HTR2C: variants seen among roughly 807,000 people sequenced by gnomAD.
The protein encoded by HTR2C is 5-hydroxytryptamine (serotonin) receptor 2C, G protein-coupled.
In HTR2C, 5 loss-of-function variants were observed where a neutral mutation model predicts 21.0. The ratio of observed to expected loss-of-function variants is 0.24; its 90% CI spans 0.12 to 0.50. HTR2C has a LOEUF of 0.50. HTR2C is among the 20% of genes least tolerant of loss of function. The pLI is 0.98. For synonymous variants in HTR2C, 150 were observed against 145.3 expected (o/e 1.03, Z -0.23); for missense variants, 271 against 371.2 (o/e 0.73, Z 2.22).
intron 5 of HTR2C, among the ~76,000 whole-genome samples, chrX:114,892,940 TCTCA>T (rs35846294): frequency 0.12 from 12,513 of 107,249 alleles, 727 homozygotes; most frequent in South Asian, 0.29. Context: ...TGAGATGGAG[TCTCA>T]CTCTGTTGCC....
chrX:114,684,571 C>A (rs781890500), intron 2 of HTR2C, among the ~76,000 whole-genome samples: 2 of 111,390 alleles, frequency 1.8e-5, no homozygotes, highest in South Asian at 7.5e-4. Context: ...CCCTGGTTCT[C>A]TTGACTATTT....
At chrX:114,724,338 C>A (rs1185163619) in intron 2 of HTR2C, among the ~76,000 whole-genome samples, 2 of 102,070 alleles carry the variant, frequency 2.0e-5, no homozygotes. Context: ...CGGATTGCAA[C>A]CCCTGCCTTT....
intron 1 of HTR2C, among the ~76,000 whole-genome samples, chrX:114,602,590 A>AAG (rs1928169673): frequency 1.2e-5 from 1 of 81,624 alleles, no homozygotes; most frequent in Non-Finnish European, 2.4e-5. Context: ...AGCCCGAAAA[A>AAG]CTGCTTGGCT....
chrX:114,806,956 T>C (rs199687548), intron 4 of HTR2C, among the ~76,000 whole-genome samples: 1 of 97,442 alleles, frequency 1.0e-5, no homozygotes, highest in African/African-American at 3.7e-5. Flanking sequence ...ATATATACCA[T>C]ATGTATATAC....
intron 2 of HTR2C, among the ~76,000 whole-genome samples, chrX:114,709,876 T>C (rs915754831): frequency 1.6e-4 from 18 of 111,609 alleles, no homozygotes; most frequent in African/African-American, 5.9e-4. Flanking sequence ...TTTAATTTTG[T>C]AGTCTATGAC....
intron 2 of HTR2C, among the ~76,000 whole-genome samples, chrX:114,652,326 G>A (rs782452961): frequency 4.5e-5 from 5 of 110,114 alleles, no homozygotes; most frequent in African/African-American, 1.3e-4. Context: ...TATTTTTTGC[G>A]TCTCCTTGCT....
At chrX:114,885,442 G>C (rs1556481016) in intron 5 of HTR2C, among the ~76,000 whole-genome samples, 1 of 111,185 alleles carries the variant, frequency 9.0e-6, no homozygotes, top group Non-Finnish European at 1.9e-5. Context: ...CTCAGAAGAT[G>C]TGGCCATCAT....
chrX:114,692,773 G>A (rs1556415270), intron 2 of HTR2C, among the ~76,000 whole-genome samples: 1 of 111,668 alleles, frequency 9.0e-6, no homozygotes, highest in African/African-American at 3.2e-5. Context: ...TTGAAAAAAT[G>A]AATTAACATA....
chrX:114,807,522 T>C (rs1357606179), intron 4 of HTR2C, among the ~76,000 whole-genome samples: 4 of 30,364 alleles, frequency 1.3e-4, no homozygotes, highest in South Asian at 3.0e-3. Context: ...TATATATATA[T>C]ACCATATATA....
chrX:114,834,444 A>C (rs2147474294), intron 4 of HTR2C, among the ~76,000 whole-genome samples: 1 of 108,642 alleles, frequency 9.2e-6, no homozygotes, highest in Non-Finnish European at 1.9e-5. Context: ...TGATCCCTTT[A>C]CCATTATGTA....
At chrX:114,829,651 G>C (rs1287599733) in intron 4 of HTR2C, among the ~76,000 whole-genome samples, 2 of 111,340 alleles carry the variant, frequency 1.8e-5, no homozygotes, top group Admixed American at 1.9e-4. Flanking sequence ...TAAATTTTGT[G>C]TATGTTGTGA....
At chrX:114,678,883 G>T (rs1050614694) in intron 2 of HTR2C, among the ~76,000 whole-genome samples, 2 of 111,466 alleles carry the variant, frequency 1.8e-5, no homozygotes, top group African/African-American at 6.5e-5. Context: ...TATTCTTGCT[G>T]CCCAGTAATC....
intron 2 of HTR2C, among the ~76,000 whole-genome samples, chrX:114,622,784 A>G (rs1436384569): frequency 2.7e-5 from 3 of 111,918 alleles, no homozygotes; most frequent in Non-Finnish European, 5.6e-5. Context: ...GCAAAGGGAG[A>G]ATTTCCGCTT....
intron 4 of HTR2C, among the ~76,000 whole-genome samples, chrX:114,749,330 C>T (rs1602744645): frequency 3.7e-5 from 4 of 106,803 alleles, no homozygotes; most frequent in Admixed American, 2.0e-4. Context: ...TGCCTGTAGT[C>T]CCAGCTACTT....
chrX:114,830,367 AGGGAAGT>A (rs2070711086), intron 4 of HTR2C, among the ~76,000 whole-genome samples: 1 of 111,678 alleles, frequency 9.0e-6, no homozygotes, highest in African/African-American at 3.3e-5. Context: ...CCAGGAGGTA[AGGGAAGT>A]GGGAAGGGAA....
chrX:114,743,234 G>A (rs1342735482), intron 4 of HTR2C, among the ~76,000 whole-genome samples: 1 of 102,611 alleles, frequency 9.7e-6, no homozygotes, highest in African/African-American at 3.6e-5. Context: ...TAGTCCTTTG[G>A]GTATATACCC....
At chrX:114,633,436 A>T (rs782288170) in intron 2 of HTR2C, among the ~76,000 whole-genome samples, 1 of 111,712 alleles carries the variant, frequency 9.0e-6, no homozygotes, top group Non-Finnish European at 1.9e-5. Flanking sequence ...CCCTCTTGCC[A>T]GCTTGATGTA....
intron 4 of HTR2C, among the ~76,000 whole-genome samples, chrX:114,733,359 G>A (rs900669478): frequency 1.3e-4 from 14 of 108,913 alleles, no homozygotes; most frequent in African/African-American, 3.3e-4. Flanking sequence ...GCAGCAACTC[G>A]AGATCACAAC....
At chrX:114,885,948 G>A (rs2071217080) in intron 5 of HTR2C, among the ~76,000 whole-genome samples, 1 of 111,142 alleles carries the variant, frequency 9.0e-6, no homozygotes, top group South Asian at 3.8e-4. Flanking sequence ...ATCATAAAAT[G>A]TAGTATTGAT....
Sources: allele counts gnomAD v4.1 joint callset (sites outside exome capture counted in the v4.1 genomes callset), GRCh38; gene constraint gnomAD v4.1.1; transcripts MANE v1.5; gene names NCBI Gene and HGNC (gene_info 2026-07-23, HGNC 2026-07-21).